The following RGPD3 variants were observed in gnomAD, a reference collection of about 807,000 sequenced individuals.
RGPD3 encodes RANBP2 like and GRIP domain containing 3.
RGPD3 carries 62 observed loss-of-function variants against 154.5 expected under a neutral mutation model. The observed-to-expected ratio is 0.40, with a 90% CI of 0.33 to 0.50. The LOEUF (loss-of-function observed/expected upper bound fraction) is 0.50, where lower values mean the gene tolerates loss of function less well. Among genes scored for constraint, RGPD3 ranks in the 20% least tolerant of loss-of-function variants. The probability of loss-of-function intolerance (pLI) is 0.59; values close to 1 mark genes in which losing one functional copy is unlikely to be tolerated. For missense variants in RGPD3, 919 were observed against 1,716.8 expected, an observed-to-expected ratio of 0.54 and a Z score of 8.21; for synonymous variants, 308 against 607.0, an observed-to-expected ratio of 0.51 and a Z score of 7.24.
chr2:106,448,372 T>C (rs1289876787), intron 6 of RGPD3, among the ~76,000 whole-genome samples: 1 of 152,276 alleles, frequency 6.6e-6, no homozygotes, highest in Non-Finnish European at 1.5e-5. Context: ...AGCTTACCAA[T>C]GTGCCGGGAT....
At chr2:106,461,901 A>G (rs1678416406) in intron 1 of RGPD3, among the ~76,000 whole-genome samples, 1 of 151,974 alleles carries the variant, frequency 6.6e-6, no homozygotes, top group African/African-American at 2.4e-5. Context: ...GTAAAAGAAC[A>G]AGGCTTGTTC....
intron 1 of RGPD3, among the ~76,000 whole-genome samples, chr2:106,460,050 G>T (rs1454539817): frequency 3.1e-5 from 1 of 32,118 alleles, no homozygotes; most frequent in Non-Finnish European, 6.3e-5. Flanking sequence ...CAAGGAAGGA[G>T]AATCACTTGA....
At position 106,466,308 on chromosome 2, in the gene RGPD3, CG is replaced by C. The variant is rs559821034; in HGVS notation, c.72+1908del. Among the ~76,000 whole-genome samples, 81 of 151,138 alleles carry C rather than the reference CG, an allele frequency of 5.4e-4. 1 individual carries two copies. In the South Asian group the frequency reaches 0.017, roughly 31 times the overall value. ...CCAGCCGGCGGGCGCCGCAACAGAGCGCGCCAGGGAGCAGCGCCCGTCAGGA... is the reference window on the plus strand; with the variant it reads ...CCAGCCGGCGGGCGCCGCAACAGAGCCGCCAGGGAGCAGCGCCCGTCAGGA... On this transcript the variant is annotated intron_variant, in intron 1 of 22. Transcript: ENST00000409886.
intron 22 of RGPD3, among the ~76,000 whole-genome samples, chr2:106,412,321 T>TTTTTTTTTTTG (rs1676700156): frequency 1.6e-4 from 16 of 100,024 alleles, no homozygotes; most frequent in South Asian, 4.0e-4. Flanking sequence ...TTTTTTTTTT[T>TTTTTTTTTTTG]TTTTTTTTTT....
chr2:106,412,950 C>T, intron 22 of RGPD3, 134 bp downstream of exon 22: 2 of 1,022,224 alleles, frequency 2.0e-6, no homozygotes, highest in Non-Finnish European at 1.5e-6. Flanking sequence ...CAAATCTAGT[C>T]ACGGCCTACT....
At chr2:106,463,400 G>A (rs1453560261) in intron 1 of RGPD3, among the ~76,000 whole-genome samples, 46 of 152,236 alleles carry the variant, frequency 3.0e-4, no homozygotes, top group African/African-American at 8.2e-4. Flanking sequence ...ACTTGAACCC[G>A]GGAGGCGGAG....
intron 22 of RGPD3, among the ~76,000 whole-genome samples, chr2:106,410,129 G>C (rs1194585179): frequency 1.3e-5 from 2 of 151,854 alleles, no homozygotes; most frequent in Admixed American, 1.3e-4. Flanking sequence ...ACCCTCCTCA[G>C]CCTCCCAAAG....
intron 1 of RGPD3, among the ~76,000 whole-genome samples, chr2:106,466,366 C>A (rs1193080714): frequency 4.4e-4 from 60 of 134,880 alleles, no homozygotes; most frequent in African/African-American, 1.0e-3. Context: ...AGGCCGCCGC[C>A]GGGCCGGGTC....
At chr2:106,456,911 CT>C in intron 4 of RGPD3, 59 bp downstream of exon 4, 1 of 1,589,210 alleles carries the variant, frequency 6.3e-7, no homozygotes, top group Non-Finnish European at 8.5e-7. Context: ...GTAATTTAAA[CT>C]CCAAATATTA....
At position 106,432,184 on chromosome 2, in the gene RGPD3, G is replaced by A. The variant is rs978319611; in HGVS notation, c.2469+751C>T. On this transcript the variant is annotated intron_variant, in intron 17 of 22. Coordinates refer to ENST00000409886, the MANE Select transcript of RGPD3 (RefSeq NM_001144013.2). ...AATATAGTAAAGGGCTGGGTGCGGTGGTTTACACCTGTAATCCCAGCACTT... is the reference window on the plus strand; with the variant it reads ...AATATAGTAAAGGGCTGGGTGCGGTAGTTTACACCTGTAATCCCAGCACTT... Among the ~76,000 whole-genome samples, 37 of 148,968 alleles carry A rather than the reference G, an allele frequency of 2.5e-4. 4 individuals carry two copies. The highest frequency in any genetic ancestry group is 4.8e-4 in the Non-Finnish European group (32 of 67,084).
chr2:106,441,884 AAAAAAAAAAAG>A, intron 7 of RGPD3, among the ~76,000 whole-genome samples: 1 of 148,748 alleles, frequency 6.7e-6, no homozygotes, highest in Non-Finnish European at 1.5e-5. Context: ...AAAAAAAAAA[AAAAAAAAAAAG>A]AGGGGCCAGA....
rs1361043884 is a variant in RGPD3 at position 106,413,269 on chromosome 2, A to C, written c.5081T>G (p.Ile1694Arg). 3 of 1,611,812 alleles carry C rather than the reference A, an allele frequency of 1.9e-6. No individual in the cohort carries two copies. The highest frequency in any genetic ancestry group is 4.5e-5 in the East Asian group (2 of 44,852). Residue 1694 changes from isoleucine to arginine, a missense_variant, in exon 22 of 23, where the codon ATA (isoleucine) becomes AGA (arginine). Coordinates refer to ENST00000409886, the MANE Select transcript of RGPD3 (RefSeq NM_001144013.2). ...MEQIKLLKSE[I>R]RRLERNQEQE... ...CTCTTGATTCCTTTCCAATCTTCTTATTTCACTTTTGAGAAGCTGGTGTTA... is the reference window on the plus strand; with the variant it reads ...CTCTTGATTCCTTTCCAATCTTCTTCTTTCACTTTTGAGAAGCTGGTGTTA...
At chr2:106,462,976 T>C (rs1678448335) in intron 1 of RGPD3, among the ~76,000 whole-genome samples, 1 of 148,680 alleles carries the variant, frequency 6.7e-6, no homozygotes, top group African/African-American at 2.5e-5. Flanking sequence ...AGAGAAAAAT[T>C]AGAGAAACTC....
At chr2:106,417,463 C>CA (rs1173219431) in intron 20 of RGPD3, among the ~76,000 whole-genome samples, 7 of 148,420 alleles carry the variant, frequency 4.7e-5, no homozygotes, top group Non-Finnish European at 8.9e-5. Flanking sequence ...CATATTTAGA[C>CA]AGAGTAACAG....
At chr2:106,466,720 C>T (rs1448227039) in intron 1 of RGPD3, among the ~76,000 whole-genome samples, 1 of 39,138 alleles carries the variant, frequency 2.6e-5, no homozygotes, top group Non-Finnish European at 5.0e-5. Flanking sequence ...GGGTCGAGGC[C>T]GCCGCCTCAA....
chr2:106,412,667 G>C, intron 22 of RGPD3: 4 of 436,406 alleles, frequency 9.2e-6, no homozygotes, highest in South Asian at 4.9e-5. Flanking sequence ...TATAGACCAA[G>C]TGTTGGGCTC....
intron 1 of RGPD3, among the ~76,000 whole-genome samples, chr2:106,463,237 T>C: frequency 6.8e-6 from 1 of 147,250 alleles, no homozygotes; most frequent in South Asian, 2.2e-4. Context: ...TCAACTAAAT[T>C]AAGTAAAGAC....
chr2:106,470,909 C>CA (rs1289017129), upstream of RGPD3: 4 of 1,579,170 alleles, frequency 2.5e-6, no homozygotes, highest in Non-Finnish European at 3.4e-6. Flanking sequence ...AGGGAGCTGG[C>CA]AGTCCAGGAA....
chr2:106,458,727 TAAAAAAAAAAAA>T (rs57559694), intron 2 of RGPD3, among the ~76,000 whole-genome samples: 1 of 36,328 alleles, frequency 2.8e-5, no homozygotes, highest in Non-Finnish European at 5.5e-5. Context: ...AGATACTGCC[TAAAAAAAAAAAA>T]AAAAAAAGCC....
Sources: allele counts gnomAD v4.1 joint callset (sites outside exome capture counted in the v4.1 genomes callset), GRCh38; gene constraint gnomAD v4.1.1; transcripts MANE v1.5; gene names NCBI Gene and HGNC (gene_info 2026-07-23, HGNC 2026-07-21).